Variants in CGNL1 observed in about 807,000 individuals in gnomAD.
CGNL1 encodes the protein cingulin-like protein 1.
Under a neutral mutation model 141.2 loss-of-function variants are expected in CGNL1, and 132 were observed. The ratio of observed to expected loss-of-function variants is 0.93; its 90% CI spans 0.81 to 1.08. CGNL1 has a LOEUF of 1.08. CGNL1 is among the 50% of genes least tolerant of loss of function. The pLI is 0.00. For missense variants in CGNL1, 1,870 were observed against 1,588.6 expected (o/e 1.18, Z -3.01); for synonymous variants, 690 against 622.1 (o/e 1.11, Z -1.63).
At chr15:57,385,812 C>T (rs1179480143) in intron 1 of CGNL1, among the ~76,000 whole-genome samples, 2 of 152,198 alleles carry the variant, frequency 1.3e-5, no homozygotes, top group Non-Finnish European at 2.9e-5. Flanking sequence ...GTGATGGCTC[C>T]TGGCATCTAA....
intron 8 of CGNL1, among the ~76,000 whole-genome samples, chr15:57,506,215 T>G (rs2064100094): frequency 6.6e-6 from 1 of 152,208 alleles, no homozygotes; most frequent in Non-Finnish European, 1.5e-5. Flanking sequence ...ATTTTCCTAG[T>G]GACGCAGAGC....
At chr15:57,504,515 AG>A (rs1258794091) in intron 8 of CGNL1, among the ~76,000 whole-genome samples, 1 of 152,232 alleles carries the variant, frequency 6.6e-6, no homozygotes, top group African/African-American at 2.4e-5. Flanking sequence ...GTGATGTGAT[AG>A]GCTAGATGAT....
At chr15:57,414,278 G>T (rs1170242813) in intron 1 of CGNL1, among the ~76,000 whole-genome samples, 1 of 152,164 alleles carries the variant, frequency 6.6e-6, no homozygotes, top group Non-Finnish European at 1.5e-5. Flanking sequence ...AGACGGGGCT[G>T]GCCGTCCATC....
intron 1 of CGNL1, among the ~76,000 whole-genome samples, chr15:57,437,630 A>C (rs2063121955): frequency 7.8e-6 from 1 of 128,942 alleles, no homozygotes; most frequent in African/African-American, 3.1e-5. Context: ...AAAAAAAAAA[A>C]AAAAAAAAAA....
chr15:57,524,805 G>A, intron 12 of CGNL1, 54 bp downstream of exon 12: 1 of 1,564,192 alleles, frequency 6.4e-7, no homozygotes. Context: ...AGTATCCTTT[G>A]CCCTGAAAGT....
At chr15:57,467,663 C>A (rs1217978313) in intron 8 of CGNL1, among the ~76,000 whole-genome samples, 1 of 147,480 alleles carries the variant, frequency 6.8e-6, no homozygotes, top group Non-Finnish European at 1.5e-5. Context: ...GATAATAGTG[C>A]TATTGTTTTT....
At chr15:57,495,126 C>G (rs1444875040) in intron 8 of CGNL1, among the ~76,000 whole-genome samples, 1 of 152,162 alleles carries the variant, frequency 6.6e-6, no homozygotes, top group Non-Finnish European at 1.5e-5. Context: ...CCTGTGGGTC[C>G]TTAAACCATG....
At position 57,460,692 on chromosome 15, in the gene CGNL1, A is replaced by G. The variant is rs892464803; in HGVS notation, c.2191-988A>G. On this transcript the variant is annotated intron_variant, in intron 7 of 18. Transcript: ENST00000281282. ...TCATATCTCATGAGAACTCACTATC[A>G]CAAGAGCAACATGGGGAAAACTATC... Among the ~76,000 whole-genome samples, 8 of 152,202 alleles carry G rather than the reference A, an allele frequency of 5.3e-5. No individual in the cohort carries two copies. In the East Asian group the frequency reaches 1.2e-3, roughly 22 times the overall value.
intron 8 of CGNL1, among the ~76,000 whole-genome samples, chr15:57,483,234 T>G (rs1310353158): frequency 1.3e-5 from 2 of 152,202 alleles, no homozygotes. Flanking sequence ...GTTCACTGCT[T>G]TCATCATTTG....
intron 8 of CGNL1, among the ~76,000 whole-genome samples, chr15:57,504,748 C>G (rs917515154): frequency 6.6e-6 from 1 of 152,184 alleles, no homozygotes; most frequent in African/African-American, 2.4e-5. Flanking sequence ...TCACCTGCCA[C>G]TTCTTGCATT....
At chr15:57,451,413 C>T in intron 4 of CGNL1, 87 bp from the exon 5 acceptor site, 1 of 940,760 alleles carries the variant, frequency 1.1e-6, no homozygotes, top group South Asian at 1.5e-5. Flanking sequence ...TCATCTGTTA[C>T]TGCACTGATT....
At chr15:57,520,836 A>G (rs780324845) in intron 10 of CGNL1, among the ~76,000 whole-genome samples, 10 of 152,132 alleles carry the variant, frequency 6.6e-5, no homozygotes, top group Admixed American at 2.0e-4. Context: ...CTCCAAGAAG[A>G]CCAACTTCCT....
intron 1 of CGNL1, chr15:57,407,182 G>A (rs147891883): frequency 3.3e-5 from 5 of 152,310 alleles, no homozygotes; most frequent in South Asian, 2.1e-4. Context: ...AAGTTTCAGC[G>A]TTTACAAGAG....
At chr15:57,475,394 A>T (rs1349821881) in intron 8 of CGNL1, among the ~76,000 whole-genome samples, 1 of 152,080 alleles carries the variant, frequency 6.6e-6, no homozygotes, top group Non-Finnish European at 1.5e-5. Context: ...TGCAATCCTG[A>T]CCTGCAAGAA....
At position 57,522,152 on chromosome 15, in the gene CGNL1, T is replaced by C. The variant is rs16977576; in HGVS notation, c.2716-1337T>C. Among the ~76,000 whole-genome samples the C allele has an allele frequency of 3.7e-3, 557 of 152,312 alleles. 8 individuals carry two copies. Among genetic ancestry groups the C allele is most frequent in the East Asian group, 0.027 (142 of 5,178 alleles). On this transcript the variant is annotated intron_variant, in intron 10 of 18. Transcript: ENST00000281282. Reference sequence around the variant, plus strand: ...CTGAACTTCTGATTACCTTTCTTTTTGCCACCATCTTTTCCCCAGCAGCTT... The same window carrying C: ...CTGAACTTCTGATTACCTTTCTTTTCGCCACCATCTTTTCCCCAGCAGCTT...
At chr15:57,379,356 A>G (rs2062401358) in intron 1 of CGNL1, among the ~76,000 whole-genome samples, 1 of 152,244 alleles carries the variant, frequency 6.6e-6, no homozygotes, top group South Asian at 2.1e-4. Context: ...AAGTAAGTGA[A>G]GAAAAATATG....
chr15:57,468,945 C>T (rs1429970050), intron 8 of CGNL1, among the ~76,000 whole-genome samples: 2 of 152,226 alleles, frequency 1.3e-5, no homozygotes, highest in Non-Finnish European at 2.9e-5. Flanking sequence ...TTTTCCTCCT[C>T]GCCTTCCACC....
Position 57,376,510 on chromosome 15 carries a change from C to T in CGNL1, c.-73C>T, listed in dbSNP as rs2062364273. The T allele has an allele frequency of 6.6e-6, 1 of 152,088 alleles. No homozygotes were observed. The highest frequency in any genetic ancestry group is 1.9e-4 in the East Asian group (1 of 5,154). The allele number at this position is 152,088 out of a possible 1,614,324, so 9.4% of individuals were successfully genotyped here. A position where few individuals can be genotyped will look rare whatever the true frequency, so the allele number is the denominator to read the frequency against. ...CCGGCGGCGCCGCGGCCCTTGCACT[C>T]CGGCCGGGCTCTGCTGGCTGCGGCG... On this transcript the variant is annotated 5_prime_UTR_variant, in exon 1 of 19. Coordinates refer to ENST00000281282, the MANE Select transcript of CGNL1 (RefSeq NM_032866.5).
At chr15:57,455,732 T>C (rs1374705086) in intron 7 of CGNL1, among the ~76,000 whole-genome samples, 1 of 152,228 alleles carries the variant, frequency 6.6e-6, no homozygotes, top group Non-Finnish European at 1.5e-5. Flanking sequence ...CTTCTTTTCC[T>C]CTTTAAACAT....
Sources: gnomAD v4.1 joint callset for allele counts (sites outside exome capture counted in the v4.1 genomes callset) on GRCh38, gnomAD v4.1.1 for gene constraint, MANE v1.5 for transcripts, NCBI Gene and HGNC (gene_info 2026-07-23, HGNC 2026-07-21) for gene names.